P2RY14: variants seen among roughly 807,000 people sequenced by gnomAD.
P2RY14 encodes the protein P2Y purinoceptor 14.
In P2RY14, 2 loss-of-function variants were observed where a neutral mutation model predicts 0.9. The ratio of observed to expected loss-of-function variants is 2.16; its 90% CI spans 0.88 to 6.79. The LOEUF (loss-of-function observed/expected upper bound fraction) is 6.79. Among genes scored for constraint, P2RY14 ranks in the 30% most tolerant of loss-of-function variants. The pLI is 0.05. For synonymous variants in P2RY14, 158 were observed against 147.2 expected (o/e 1.07, Z -0.53); for missense variants, 378 against 400.1 (o/e 0.94, Z 0.47).
intron 2 of P2RY14, 80 bp from the exon 3 acceptor site, chr3:151,214,420 A>G: frequency 2.1e-6 from 2 of 970,720 alleles, no homozygotes; most frequent in East Asian, 2.4e-5. Flanking sequence ...GCAAAGGGCA[A>G]TGAATATAGT....
chr3:151,236,895 C>T (rs1033399460), intron 1 of P2RY14, among the ~76,000 whole-genome samples: 10 of 152,072 alleles, frequency 6.6e-5, no homozygotes, highest in Non-Finnish European at 1.3e-4. Flanking sequence ...TGGGGTATTT[C>T]CAGGTTTTTG....
chr3:151,277,917 A>G (rs1459032320), intron 1 of P2RY14, among the ~76,000 whole-genome samples: 1 of 152,160 alleles, frequency 6.6e-6, no homozygotes, highest in African/African-American at 2.4e-5. Context: ...GTATTATGCT[A>G]ATCGATTTTG....
chr3:151,214,431 C>G (rs1443678740), intron 2 of P2RY14, 91 bp from the exon 3 acceptor site: 5 of 833,410 alleles, frequency 6.0e-6, no homozygotes, highest in Non-Finnish European at 7.5e-6. Flanking sequence ...TGAATATAGT[C>G]AAACCTACCA....
chr3:151,253,999 G>GTTTTTTTTTTTTTTTTT (rs11453294), intron 1 of P2RY14, among the ~76,000 whole-genome samples: 1 of 136,922 alleles, frequency 7.3e-6, no homozygotes, highest in Admixed American at 7.3e-5. Flanking sequence ...ATTTTTTCTT[G>GTTTTTTTTTTTTTTTTT]TTTTTTTTTT....
chr3:151,222,782 G>C (rs1256926608), intron 1 of P2RY14, among the ~76,000 whole-genome samples: 2 of 152,084 alleles, frequency 1.3e-5, no homozygotes, highest in Non-Finnish European at 1.5e-5. Context: ...TTTTCCCCCA[G>C]ATCCTGTGCC....
chr3:151,222,957 T>A (rs2149276148), intron 1 of P2RY14, among the ~76,000 whole-genome samples: 1 of 152,328 alleles, frequency 6.6e-6, no homozygotes, highest in Middle Eastern at 3.4e-3. Context: ...CTCTTGGAAA[T>A]GTAAATTGGT....
intron 1 of P2RY14, among the ~76,000 whole-genome samples, chr3:151,250,337 TAC>T (rs1414070598): frequency 6.6e-6 from 1 of 152,202 alleles, no homozygotes; most frequent in Non-Finnish European, 1.5e-5. Flanking sequence ...TGACGTTAAT[TAC>T]ATTCACATTG....
chr3:151,248,679 A>C (rs994720115), intron 1 of P2RY14, among the ~76,000 whole-genome samples: 8 of 152,184 alleles, frequency 5.3e-5, no homozygotes, highest in Non-Finnish European at 1.0e-4. Context: ...AAGGATACTT[A>C]CAAGGAAAAT....
At chr3:151,247,962 C>CTTTTTTTTT (rs61102632) in intron 1 of P2RY14, among the ~76,000 whole-genome samples, 98 of 75,888 alleles carry the variant, frequency 1.3e-3, no homozygotes, top group Middle Eastern at 7.8e-3. Context: ...TCTTCTTCTT[C>CTTTTTTTTT]TTTTTTTTTT....
At chr3:151,218,321 T>G (rs761424399) in intron 2 of P2RY14, among the ~76,000 whole-genome samples, 1 of 152,176 alleles carries the variant, frequency 6.6e-6, no homozygotes, top group Non-Finnish European at 1.5e-5. Flanking sequence ...AGAAAAAAAT[T>G]AAAAGATGAA....
At chr3:151,270,088 G>A (rs1445849825) in intron 1 of P2RY14, 1 of 216,326 alleles carries the variant, frequency 4.6e-6, no homozygotes, top group Non-Finnish European at 9.2e-6. Flanking sequence ...AGATGAAGAT[G>A]ATGATGAAAG....
intron 1 of P2RY14, among the ~76,000 whole-genome samples, chr3:151,251,827 ACTTG>A (rs934218966): frequency 3.9e-5 from 6 of 152,166 alleles, no homozygotes; most frequent in African/African-American, 1.2e-4. Context: ...CTATTTGTGT[ACTTG>A]CTTCTCAGTC....
At chr3:151,214,376 C>T in intron 2 of P2RY14, 36 bp from the exon 3 acceptor site, 1 of 1,375,102 alleles carries the variant, frequency 7.3e-7, no homozygotes, top group Non-Finnish European at 1.0e-6. Flanking sequence ...TCATAGGGCA[C>T]TTATGGCCTC....
At chr3:151,261,973 C>T (rs1038929017) in intron 1 of P2RY14, among the ~76,000 whole-genome samples, 3 of 152,198 alleles carry the variant, frequency 2.0e-5, no homozygotes, top group East Asian at 3.9e-4. Context: ...GTGATTGACC[C>T]GCCTCGGCCT....
At chr3:151,245,618 T>G (rs1382743381) in intron 1 of P2RY14, among the ~76,000 whole-genome samples, 28 of 147,324 alleles carry the variant, frequency 1.9e-4, no homozygotes, top group Middle Eastern at 3.2e-3. Context: ...TGGGATGTAT[T>G]TCAAAATAAT....
At chr3:151,236,736 A>G (rs974869695) in intron 1 of P2RY14, among the ~76,000 whole-genome samples, 1 of 152,224 alleles carries the variant, frequency 6.6e-6, no homozygotes, top group Admixed American at 6.5e-5. Context: ...ATTTTTCTAT[A>G]TATTTTACTG....
chr3:151,274,303 G>C (rs988923525), intron 1 of P2RY14, among the ~76,000 whole-genome samples: 1 of 152,074 alleles, frequency 6.6e-6, no homozygotes, highest in African/African-American at 2.4e-5. Context: ...CAGTTATAAG[G>C]ACAGCTGCTG....
intron 1 of P2RY14, among the ~76,000 whole-genome samples, chr3:151,277,574 A>G (rs1378773758): frequency 2.6e-5 from 4 of 152,208 alleles, no homozygotes; most frequent in African/African-American, 7.2e-5. Context: ...GATGGATTGC[A>G]TGGGCTTGGT....
At chr3:151,251,022 C>A (rs148006040) in intron 1 of P2RY14, among the ~76,000 whole-genome samples, 22 of 152,170 alleles carry the variant, frequency 1.4e-4, no homozygotes, top group Admixed American at 1.2e-3. Flanking sequence ...TGATGATTCT[C>A]TCTGTGGTAC....
Sources: gnomAD v4.1 joint callset for allele counts (sites outside exome capture counted in the v4.1 genomes callset) on GRCh38, gnomAD v4.1.1 for gene constraint, MANE v1.5 for transcripts, NCBI Gene and HGNC (gene_info 2026-07-23, HGNC 2026-07-21) for gene names.